Variants in WDFY1 observed in about 807,000 individuals in gnomAD.
WDFY1 encodes WD repeat and FYVE domain containing 1.
Under a neutral mutation model 56.4 loss-of-function variants are expected in WDFY1, and 32 were observed. The ratio of observed to expected loss-of-function variants is 0.57; its 90% CI spans 0.43 to 0.76. The LOEUF is 0.76. WDFY1 is among the 30% of genes least tolerant of loss of function. WDFY1 has a pLI of 0.00. For missense variants in WDFY1, 480 were observed against 545.7 expected (o/e 0.88, Z 1.20); for synonymous variants, 192 against 197.3 (o/e 0.97, Z 0.23).
intron 8 of WDFY1, among the ~76,000 whole-genome samples, chr2:223,886,195 C>T (rs778238932): frequency 4.0e-5 from 6 of 151,224 alleles, no homozygotes; most frequent in Non-Finnish European, 8.8e-5. Context: ...AAAAATTAGC[C>T]GGGTGTGGTG....
intron 1 of WDFY1, among the ~76,000 whole-genome samples, chr2:223,930,681 G>C (rs1435879342): frequency 6.6e-6 from 1 of 152,208 alleles, no homozygotes; most frequent in Non-Finnish European, 1.5e-5. Context: ...GGCTGAATGG[G>C]GTGCTAGTAC....
At chr2:223,911,711 C>A (rs192260819) in intron 3 of WDFY1, among the ~76,000 whole-genome samples, 2 of 152,002 alleles carry the variant, frequency 1.3e-5, no homozygotes, top group Non-Finnish European at 2.9e-5. Context: ...TGGGTCAGCC[C>A]GAGCACCCAG....
At chr2:223,926,034 C>G (rs6436446) in intron 1 of WDFY1, among the ~76,000 whole-genome samples, 128,039 of 152,224 alleles carry the variant, frequency 0.84, 54,592 homozygotes, top group Non-Finnish European at 0.93. Flanking sequence ...AACCTTCTCT[C>G]AAGAATCATG....
rs1399577328 is a variant in WDFY1 at position 223,878,335 on chromosome 2, G to A, written c.*336C>T. 1.5e-5 allele frequency: 3 copies of A among 201,786 alleles called. No individual in the cohort carries two copies. Among genetic ancestry groups the A allele is most frequent in the Non-Finnish European group, 2.0e-5 (2 of 99,192 alleles). The allele number at this position is 201,786 out of a possible 1,614,324, so 12.5% of individuals were successfully genotyped here. ...CTGTACTTGTGACTGCTTTGAGAAG[G>A]TTCTAAGCATTCACTTTTTTGTTTG... On this transcript the variant is annotated 3_prime_UTR_variant, in exon 12 of 12. Transcript: ENST00000233055.
intron 1 of WDFY1, among the ~76,000 whole-genome samples, chr2:223,918,456 G>C (rs1328377742): frequency 6.6e-6 from 1 of 152,004 alleles, no homozygotes; most frequent in East Asian, 1.9e-4. Flanking sequence ...ATGAAACCCC[G>C]TGTCTACTAA....
intron 10 of WDFY1, among the ~76,000 whole-genome samples, chr2:223,880,801 A>T (rs1278023863): frequency 6.6e-6 from 1 of 151,238 alleles, no homozygotes; most frequent in African/African-American, 2.4e-5. Context: ...ATACATTCCT[A>T]GATATAAAAA....
At chr2:223,895,471 A>G (rs753385526) in intron 7 of WDFY1, 33 bp downstream of exon 7, 1 of 1,613,472 alleles carries the variant, frequency 6.2e-7, no homozygotes, top group African/African-American at 1.3e-5. Context: ...ACTAACTCGG[A>G]TTCTTTCCCC....
chr2:223,911,715 C>A (rs1693706393), intron 3 of WDFY1, among the ~76,000 whole-genome samples: 1 of 152,136 alleles, frequency 6.6e-6, no homozygotes, highest in South Asian at 2.1e-4. Flanking sequence ...TCAGCCCGAG[C>A]ACCCAGCTAT....
chr2:223,912,679 T>C (rs1693725215), intron 2 of WDFY1, among the ~76,000 whole-genome samples: 1 of 152,164 alleles, frequency 6.6e-6, no homozygotes, highest in Non-Finnish European at 1.5e-5. Context: ...ATCCCGCCCC[T>C]GCCACCCTTC....
intron 4 of WDFY1, among the ~76,000 whole-genome samples, chr2:223,904,459 G>T (rs756585574): frequency 3.1e-4 from 47 of 152,004 alleles, no homozygotes; most frequent in Non-Finnish European, 2.8e-4. Context: ...CACCATGTTG[G>T]CCAGGCTGGC....
At chr2:223,913,967 T>G (rs16841547) in intron 2 of WDFY1, among the ~76,000 whole-genome samples, 1 of 146,762 alleles carries the variant, frequency 6.8e-6, no homozygotes, top group Non-Finnish European at 1.5e-5. Flanking sequence ...TAAAGCAAAA[T>G]AGGAATCATC....
Position 223,883,349 on chromosome 2 carries a change from C to T in WDFY1, c.934-1277G>A, listed in dbSNP as rs115455654. Among the ~76,000 whole-genome samples the T allele has an allele frequency of 2.5e-3, 388 of 152,246 alleles. 3 individuals carry two copies. Among genetic ancestry groups the T allele is most frequent in the Non-Finnish European group, 4.3e-3 (292 of 68,024 alleles). On this transcript the variant is annotated intron_variant, in intron 9 of 11. Transcript: ENST00000233055. ...TACTGATTTTGACATATTCTTTTACCGCCAAAAGTTTAGTGACCAGCACCT... is the reference window on the plus strand; with the variant it reads ...TACTGATTTTGACATATTCTTTTACTGCCAAAAGTTTAGTGACCAGCACCT...
intron 8 of WDFY1, among the ~76,000 whole-genome samples, chr2:223,886,131 GT>G (rs201410864): frequency 0.01 from 1,582 of 152,082 alleles, 27 homozygotes; most frequent in African/African-American, 0.036. Context: ...ATCACCTGAG[GT>G]CAGGAGTTCA....
intron 2 of WDFY1, among the ~76,000 whole-genome samples, chr2:223,916,716 T>C (rs966110326): frequency 6.6e-6 from 1 of 152,054 alleles, no homozygotes; most frequent in Non-Finnish European, 1.5e-5. Context: ...CAGGAAAGGT[T>C]GAAGAAAGGA....
intron 6 of WDFY1, 148 bp downstream of exon 6, chr2:223,898,810 G>A (rs145329244): frequency 1.6e-6 from 1 of 635,064 alleles, no homozygotes; most frequent in East Asian, 2.8e-5. Context: ...CCTTCACTTA[G>A]TTTTCACTCT....
In WDFY1 at chr2:223,894,300, C is replaced by T; in HGVS notation, c.765G>A (p.Arg255=). Residue 255 remains arginine (R), a synonymous_variant, in exon 8 of 12, where the codon AGG becomes AGA. Coordinates refer to ENST00000233055, the MANE Select transcript of WDFY1 (RefSeq NM_020830.5). ...CGTCCGAGGAACAGGAGACGAGCTG[C>T]CTGGTGAGCTGAAGGTAGCACAGCG... ...VQSLCYLQLT[R]QLVSCSSDGG... is the part of the protein sequence containing the mutation. 7 of 1,614,182 alleles carry T rather than the reference C, an allele frequency of 4.3e-6. No homozygotes were observed. Among genetic ancestry groups the T allele is most frequent in the Non-Finnish European group, 5.9e-6 (7 of 1,180,016 alleles).
chr2:223,918,668 A>G lies in WDFY1; in HGVS notation c.138-658T>C, dbSNP rs140230796. ...AAGAAAAACAAATGTTCATTACAAA[A>G]TGACATAGAAAGAAAACAGAACTGT... On this transcript the variant is annotated intron_variant, in intron 1 of 11. Transcript: ENST00000233055. Among the ~76,000 whole-genome samples the G allele has an allele frequency of 3.8e-3, 585 of 152,244 alleles. 4 individuals are homozygous for G. Among genetic ancestry groups the G allele is most frequent in the African/African-American group, 0.013 (555 of 41,562 alleles).
intron 1 of WDFY1, among the ~76,000 whole-genome samples, chr2:223,939,946 C>T (rs946051187): frequency 6.6e-6 from 1 of 152,198 alleles, no homozygotes; most frequent in Non-Finnish European, 1.5e-5. Context: ...ACCTTCATAC[C>T]TTTCACTTTT....
At chr2:223,931,143 G>A (rs1008995471) in intron 1 of WDFY1, among the ~76,000 whole-genome samples, 1 of 152,222 alleles carries the variant, frequency 6.6e-6, no homozygotes, top group African/African-American at 2.4e-5. Context: ...GAATGCCAAG[G>A]ATTTTAAAGT....
Sources: gnomAD v4.1 joint callset for allele counts (sites outside exome capture counted in the v4.1 genomes callset) on GRCh38, gnomAD v4.1.1 for gene constraint, MANE v1.5 for transcripts, NCBI Gene and HGNC (gene_info 2026-07-23, HGNC 2026-07-21) for gene names.